The following CEP43 variants were observed in gnomAD, a reference collection of about 807,000 sequenced individuals.
CEP43 encodes the protein FGFR1 oncogene partner.
CEP43 carries 36 observed loss-of-function variants against 52.6 expected under a neutral mutation model. The observed-to-expected ratio is 0.68, with a 90% CI of 0.52 to 0.90. CEP43 has a LOEUF of 0.90. Among genes scored for constraint, CEP43 ranks in the 40% least tolerant of loss-of-function variants. CEP43 has a pLI of 0.00. For synonymous variants in CEP43, 192 were observed against 172.4 expected (o/e 1.11, Z -0.89); for missense variants, 506 against 472.8 (o/e 1.07, Z -0.65).
chr6:167,031,149 T>G (rs934044023), intron 10 of CEP43, among the ~76,000 whole-genome samples: 1 of 152,218 alleles, frequency 6.6e-6, no homozygotes. Context: ...CTCAAACTCC[T>G]GGGTGCAAGT....
intron 5 of CEP43, among the ~76,000 whole-genome samples, chr6:167,009,948 A>G (rs1427632584): frequency 6.6e-6 from 1 of 152,228 alleles, no homozygotes; most frequent in Non-Finnish European, 1.5e-5. Context: ...CACAGAAGGC[A>G]ATAAGAGAAA....
intron 6 of CEP43, among the ~76,000 whole-genome samples, chr6:167,011,996 C>T (rs1779998055): frequency 6.6e-6 from 1 of 152,090 alleles, no homozygotes; most frequent in African/African-American, 2.4e-5. Context: ...TTTGACTGTC[C>T]CTTTGATTTT....
rs1780759851 is a variant in CEP43 at position 167,044,335 on chromosome 6, A to G, written c.*4357A>G. The G allele has an allele frequency of 2.2e-6, 2 of 903,522 alleles. No individual in the cohort carries two copies. The highest frequency in any genetic ancestry group is 5.5e-4 in the Middle Eastern group (1 of 1,804). The allele number at this position is 903,522 out of a possible 1,614,324, so 56.0% of individuals were successfully genotyped here. A position where few individuals can be genotyped will look rare whatever the true frequency, so the allele number is the denominator to read the frequency against. On this transcript the variant is annotated 3_prime_UTR_variant, in exon 13 of 13. Coordinates refer to ENST00000366847, the MANE Select transcript of CEP43 (RefSeq NM_007045.4). The stretch of plus-strand genomic sequence containing the variant: ...TGTTGGCCTAAGATAATTCAGTAGC[A>G]GGGCTGAATAATGGGATGACTCAAA...
At chr6:167,024,953 T>C in intron 9 of CEP43, 59 bp downstream of exon 9, 1 of 910,946 alleles carries the variant, frequency 1.1e-6, no homozygotes, top group Non-Finnish European at 1.8e-6. Flanking sequence ...AATTAAATAC[T>C]ATGTGATTAT....
At chr6:167,009,778 G>A (rs1202269799) in intron 5 of CEP43, among the ~76,000 whole-genome samples, 4 of 151,914 alleles carry the variant, frequency 2.6e-5, no homozygotes, top group African/African-American at 9.7e-5. Flanking sequence ...GGAGATTGCA[G>A]TGAGCCGAGA....
chr6:167,008,974 G>A (rs987970460), intron 5 of CEP43, among the ~76,000 whole-genome samples: 1 of 152,134 alleles, frequency 6.6e-6, no homozygotes, highest in Non-Finnish European at 1.5e-5. Flanking sequence ...GGACATACAG[G>A]CTAGACATGG....
chr6:167,029,027 G>T (rs1562531595), intron 10 of CEP43, among the ~76,000 whole-genome samples: 1 of 152,216 alleles, frequency 6.6e-6, no homozygotes, highest in African/African-American at 2.4e-5. Flanking sequence ...ATATTTTAGG[G>T]TTTGTGGATG....
chr6:167,012,817 G>A (rs898554951), intron 6 of CEP43, among the ~76,000 whole-genome samples: 2 of 152,148 alleles, frequency 1.3e-5, no homozygotes. Context: ...TTAGAGAATA[G>A]CGTTTGTCCT....
intron 10 of CEP43, among the ~76,000 whole-genome samples, chr6:167,029,461 A>T (rs146650624): frequency 6.6e-6 from 1 of 152,224 alleles, no homozygotes; most frequent in South Asian, 2.1e-4. Flanking sequence ...TGAAAATCTG[A>T]AAGTCCGAAA....
At chr6:167,002,362 T>A (rs1411346042) in intron 2 of CEP43, among the ~76,000 whole-genome samples, 1 of 152,226 alleles carries the variant, frequency 6.6e-6, no homozygotes, top group Non-Finnish European at 1.5e-5. Context: ...ATATGACAGT[T>A]TAGCCATTAC....
intron 8 of CEP43, among the ~76,000 whole-genome samples, chr6:167,024,312 A>G (rs1780304561): frequency 6.6e-6 from 1 of 152,054 alleles, no homozygotes; most frequent in Non-Finnish European, 1.5e-5. Context: ...CACTGTGGAA[A>G]CCCGGAGGGT....
At chr6:167,026,045 C>A (rs1780347871) in intron 9 of CEP43, among the ~76,000 whole-genome samples, 2 of 152,126 alleles carry the variant, frequency 1.3e-5, no homozygotes, top group South Asian at 4.1e-4. Context: ...GGTTGTGTTC[C>A]AATAAAGTAG....
chr6:167,034,201 G>T (rs1780534198), intron 12 of CEP43, among the ~76,000 whole-genome samples: 1 of 152,176 alleles, frequency 6.6e-6, no homozygotes, highest in African/African-American at 2.4e-5. Flanking sequence ...AATGCCTGAG[G>T]ATTATTCCTG....
At chr6:166,999,709 C>G (rs1003856888) in intron 1 of CEP43, 195 bp downstream of exon 1, 9 of 485,642 alleles carry the variant, frequency 1.9e-5, no homozygotes, top group Non-Finnish European at 7.1e-6. Context: ...CGTGTGGTCC[C>G]GGAGGGCACC....
At chr6:166,999,892 G>A (rs930106789) in intron 1 of CEP43, 168 bp from the exon 2 acceptor site, 15 of 585,682 alleles carry the variant, frequency 2.6e-5, no homozygotes, top group African/African-American at 2.5e-4. Context: ...GCCGAAGCCT[G>A]GGGGTCGGAG....
chr6:167,039,673 C>G (rs777472785), intron 12 of CEP43, among the ~76,000 whole-genome samples: 6 of 152,198 alleles, frequency 3.9e-5, no homozygotes, highest in Non-Finnish European at 8.8e-5. Flanking sequence ...TTTAAGGAAT[C>G]TCCACGCTGT....
chr6:167,007,421 A>G (rs886249889), intron 5 of CEP43, among the ~76,000 whole-genome samples: 1 of 152,140 alleles, frequency 6.6e-6, no homozygotes. Context: ...TACTCCCCCA[A>G]GTTGCTGAAC....
intron 12 of CEP43, chr6:167,035,994 G>A (rs1353673450): frequency 3.3e-6 from 3 of 900,242 alleles, no homozygotes; most frequent in South Asian, 5.1e-5. Flanking sequence ...TCAATAAATG[G>A]TATCTAATAC....
At chr6:167,023,144 C>T (rs9366079) in intron 8 of CEP43, among the ~76,000 whole-genome samples, 10,868 of 152,126 alleles carry the variant, frequency 0.071, 473 homozygotes, top group African/African-American at 0.11. Flanking sequence ...GGAGAGGAAA[C>T]AGACAGCAGG....
Sources: gnomAD v4.1 joint callset for allele counts (sites outside exome capture counted in the v4.1 genomes callset) on GRCh38, gnomAD v4.1.1 for gene constraint, MANE v1.5 for transcripts, NCBI Gene and HGNC (gene_info 2026-07-23, HGNC 2026-07-21) for gene names.